The following DCAF12 variants were observed in gnomAD, a reference collection of about 807,000 sequenced individuals.
DCAF12 encodes DDB1 and CUL4 associated factor 12.
Under a neutral mutation model 52.8 loss-of-function variants are expected in DCAF12, and 28 were observed. The observed-to-expected ratio is 0.53, with a 90% CI of 0.39 to 0.73. The LOEUF is 0.73. DCAF12 is among the 30% of genes least tolerant of loss of function. The pLI is 0.00. For synonymous variants in DCAF12, 196 were observed against 215.5 expected, an observed-to-expected ratio of 0.91 and a Z score of 0.79; for missense variants, 425 against 552.2, an observed-to-expected ratio of 0.77 and a Z score of 2.31.
rs900456689 is a variant in DCAF12 at position 34,093,601 on chromosome 9, G to A, written c.862-153C>T. Reference sequence around the variant, plus strand: ...GAAATAACACTCTGTTCCACCCCTAGGTATACAGGAGAAAGAGGAGGTGAA... The same window carrying A: ...GAAATAACACTCTGTTCCACCCCTAAGTATACAGGAGAAAGAGGAGGTGAA... On this transcript the variant is annotated intron_variant, in intron 6 of 8. Coordinates refer to ENST00000361264, the MANE Select transcript of DCAF12 (RefSeq NM_015397.4). 3 of 739,966 alleles carry A rather than the reference G, an allele frequency of 4.1e-6. No homozygotes were observed. The African/African-American group carries it at 5.3e-5, about 13-fold the overall frequency. The allele number at this position is 739,966 out of a possible 1,614,324, so 45.8% of individuals were successfully genotyped here.
chr9:34,110,049 T>C (rs1828974098), intron 2 of DCAF12: 1 of 146,130 alleles, frequency 6.8e-6, no homozygotes, highest in Admixed American at 6.9e-5. Context: ...ATATATATAA[T>C]ATATGTTTAT....
At chr9:34,125,686 G>C in intron 1 of DCAF12, 1 of 415,670 alleles carries the variant, frequency 2.4e-6, no homozygotes, top group Non-Finnish European at 5.1e-6. Context: ...ACAGTCCAAG[G>C]AGCCAGACCT....
At position 34,125,238 on chromosome 9, in the gene DCAF12, G is replaced by T. The variant is rs148043008; in HGVS notation, c.118C>A (p.Pro40Thr). ...TATACTAAGGATCTCTTCACAGGAGGAAGTCTTTTCCTTTTGTGAAGCGAG... is the reference window on the plus strand; with the variant it reads ...TATACTAAGGATCTCTTCACAGGAGTAAGTCTTTTCCTTTTGTGAAGCGAG... The part of the protein sequence containing the change: ...DHSLHKRKRL[P>T]PVKRSLVYYL... Residue 40 changes from proline (P) to threonine (T), a missense_variant, in exon 2 of 9, where the codon CCT becomes ACT. By Grantham distance (38) the Pro-to-Thr change is conservative. Around this residue, in one of 3 missense-constraint regions of DCAF12, gnomAD observed 89 missense variants for 84.9 expected, o/e 1.05. Transcript: ENST00000361264. The T allele has an allele frequency of 1.2e-5, 19 of 1,614,156 alleles. No homozygotes were observed. The highest frequency in any genetic ancestry group is 1.1e-5 in the South Asian group (1 of 91,074).
chr9:34,124,567 T>C (rs1348737311), intron 2 of DCAF12, among the ~76,000 whole-genome samples: 2 of 152,208 alleles, frequency 1.3e-5, no homozygotes. Flanking sequence ...CATATTTCAG[T>C]TTATACATTT....
chr9:34,099,754 C>T (rs768372574), intron 4 of DCAF12, among the ~76,000 whole-genome samples: 7 of 150,894 alleles, frequency 4.6e-5, no homozygotes, highest in Non-Finnish European at 8.9e-5. Context: ...TCACCATGCC[C>T]GGCTAATTTT....
chr9:34,116,094 T>TTACAG (rs1829084152), intron 2 of DCAF12, among the ~76,000 whole-genome samples: 1 of 152,168 alleles, frequency 6.6e-6, no homozygotes, highest in Non-Finnish European at 1.5e-5. Context: ...CTGGGTGCGG[T>TTACAG]GGCTCACGCC....
chr9:34,091,324 TCAA>T (rs754998530), intron 7 of DCAF12, among the ~76,000 whole-genome samples: 14 of 151,676 alleles, frequency 9.2e-5, no homozygotes, highest in East Asian at 1.9e-4. Flanking sequence ...AAGACTCATC[TCAA>T]CAACAACAAC....
rs183177314 is a variant in DCAF12, at chr9:34,093,034, G to A, written c.1024+252C>T. On this transcript the variant is annotated intron_variant, in intron 7 of 8. Transcript: ENST00000361264. ...CTAATTTTGTATTTTTAGTAGAGACGGGGTTTCTCCATATTTATTGGTCAG... is the reference window on the plus strand; with the variant it reads ...CTAATTTTGTATTTTTAGTAGAGACAGGGTTTCTCCATATTTATTGGTCAG... Among the ~76,000 whole-genome samples the A allele has an allele frequency of 7.9e-5, 12 of 152,282 alleles. No individual in the cohort carries two copies. The South Asian group carries it at 8.3e-4, about 11-fold the overall frequency.
chr9:34,089,740 G>A, intron 7 of DCAF12, 150 bp from the exon 8 acceptor site: 1 of 655,848 alleles, frequency 1.5e-6, no homozygotes, highest in East Asian at 3.1e-5. Flanking sequence ...TTTCCCAATG[G>A]CAAGTTAGCT....
chr9:34,107,333 C>A (rs753066291), intron 3 of DCAF12, 26 bp downstream of exon 3: 5 of 1,609,770 alleles, frequency 3.1e-6, no homozygotes, highest in Non-Finnish European at 4.2e-6. Flanking sequence ...AGGCTCCCTC[C>A]AACTACAACT....
chr9:34,104,225 C>T (rs1021091360), intron 4 of DCAF12, among the ~76,000 whole-genome samples: 1 of 151,708 alleles, frequency 6.6e-6, no homozygotes, highest in African/African-American at 2.4e-5. Flanking sequence ...AGATGCACTC[C>T]AGCCTGGGCG....
At chr9:34,103,405 CAAA>C in intron 4 of DCAF12, among the ~76,000 whole-genome samples, 1 of 137,702 alleles carries the variant, frequency 7.3e-6, no homozygotes, top group African/African-American at 2.7e-5. Context: ...GACTCCATCT[CAAA>C]AAAAAAAAAG....
At chr9:34,102,368 A>C (rs1022598264) in intron 4 of DCAF12, among the ~76,000 whole-genome samples, 12 of 152,172 alleles carry the variant, frequency 7.9e-5, no homozygotes, top group African/African-American at 2.9e-4. Flanking sequence ...ATAATAAAGC[A>C]CTTAAAAACC....
At chr9:34,106,829 C>T (rs2131434684) in intron 3 of DCAF12, among the ~76,000 whole-genome samples, 1 of 152,238 alleles carries the variant, frequency 6.6e-6, no homozygotes, top group African/African-American at 2.4e-5. Context: ...TTTAAGTCTC[C>T]CTGCTCAAGC....
At chr9:34,126,276 C>T (rs2131446394) in intron 1 of DCAF12, 78 bp downstream of exon 1, 1 of 1,549,190 alleles carries the variant, frequency 6.5e-7, no homozygotes, top group Non-Finnish European at 8.8e-7. Flanking sequence ...CCCCGATTCC[C>T]GTCGCAGGAT....
rs780257390 is a variant in DCAF12 at position 34,089,567 on chromosome 9, C to G, written c.1048G>C (p.Glu350Gln). The G allele has an allele frequency of 1.1e-5, 18 of 1,606,918 alleles. No homozygotes were observed. The highest frequency in any genetic ancestry group is 1.5e-5 in the Non-Finnish European group (18 of 1,176,254). ...CCTGTTCCCACAGTGATGATGTGCT[C>G]GTAGAAACTCACTGACCGGATTCCT... ...GSGIRSVSFYEHIITVGTGQG... is the reference protein window; with the variant it reads ...GSGIRSVSFYQHIITVGTGQG... Residue 350 changes from glutamate (E) to glutamine (Q), a missense_variant, in exon 8 of 9, where the codon GAG (glutamate) becomes CAG (glutamine). Glu to Gln is a conservative substitution (Grantham distance 29). Around this residue, in one of 3 missense-constraint regions of DCAF12, gnomAD observed 328 missense variants for 444.4 expected, o/e 0.74. Coordinates refer to ENST00000361264, the MANE Select transcript of DCAF12 (RefSeq NM_015397.4).
intron 2 of DCAF12, among the ~76,000 whole-genome samples, chr9:34,123,357 T>C (rs184215932): frequency 1.3e-5 from 2 of 152,208 alleles, no homozygotes; most frequent in African/African-American, 2.4e-5. Flanking sequence ...AAGTAAGATA[T>C]TGCTCACTCA....
In DCAF12 at chr9:34,108,814, T is replaced by TAA. The variant is rs1325227872; in HGVS notation, c.334-1250_334-1249insTT. Reference sequence around the variant, plus strand: ...GTCTCAAAAAAAATAAATAAATAAATATATATATATATATATGAATGAGGT... The same window carrying TAA: ...GTCTCAAAAAAAATAAATAAATAAATAAATATATATATATATATGAATGAGGT... On this transcript the variant is annotated intron_variant, in intron 2 of 8. Transcript: ENST00000361264. Among the ~76,000 whole-genome samples, 10 of 129,292 alleles carry TAA rather than the reference T, an allele frequency of 7.7e-5. 1 individual carries two copies. Among genetic ancestry groups the TAA allele is most frequent in the Non-Finnish European group, 1.2e-4 (7 of 56,994 alleles). 84.8% of individuals were successfully genotyped at this position (129,292 alleles called of 152,430 possible). A position where few individuals can be genotyped will look rare whatever the true frequency, so the allele number is the denominator to read the frequency against.
At chr9:34,106,645 G>A in intron 3 of DCAF12, 151 bp from the exon 4 acceptor site, 1 of 619,606 alleles carries the variant, frequency 1.6e-6, no homozygotes, top group Non-Finnish European at 2.8e-6. Flanking sequence ...TCAACCCACA[G>A]AGAATGATCA....
Sources: allele counts gnomAD v4.1 joint callset (sites outside exome capture counted in the v4.1 genomes callset), GRCh38; gene constraint gnomAD v4.1.1; regional missense constraint gnomAD v4.1.1; transcripts MANE v1.5; gene names NCBI Gene and HGNC (gene_info 2026-07-23, HGNC 2026-07-21).